Variants in WBP2NL observed in about 807,000 individuals in gnomAD.
WBP2NL encodes postacrosomal sheath WW domain-binding protein.
A neutral mutation model predicts 23.3 loss-of-function variants in WBP2NL; 27 were observed. The observed-to-expected ratio is 1.16, with a 90% CI of 0.85 to 1.60. The LOEUF (loss-of-function observed/expected upper bound fraction) is 1.60. WBP2NL is among the 40% of genes most tolerant of loss of function. WBP2NL has a pLI of 0.00. For missense variants in WBP2NL, 370 were observed against 389.5 expected, an observed-to-expected ratio of 0.95 and a Z score of 0.42; for synonymous variants, 151 against 145.9, an observed-to-expected ratio of 1.03 and a Z score of -0.25.
chr22:42,020,260 G>A (rs1330321643), intron 4 of WBP2NL, among the ~76,000 whole-genome samples, 164 bp downstream of exon 4: 6 of 151,878 alleles, frequency 4.0e-5, no homozygotes, highest in Admixed American at 6.6e-5. Context: ...GGCTGGTCTC[G>A]AACTCCTGAA....
downstream of WBP2NL, among the ~76,000 whole-genome samples, chr22:42,037,481 A>G (rs183383200): frequency 3.1e-4 from 47 of 152,128 alleles, no homozygotes; most frequent in Admixed American, 2.7e-3. Flanking sequence ...TATTTTTATA[A>G]AAAGTGCAAT....
At chr22:42,026,722 A>G (rs1924529458) in intron 5 of WBP2NL, 44 bp from the exon 6 acceptor site, 2 of 1,594,470 alleles carry the variant, frequency 1.3e-6, no homozygotes, top group Non-Finnish European at 8.5e-7. Flanking sequence ...ATATTCCTTG[A>G]CTTAAAGGTA....
At chr22:42,001,387 C>G in intron 1 of WBP2NL, 1 of 716,876 alleles carries the variant, frequency 1.4e-6, no homozygotes, top group South Asian at 1.6e-5. Context: ...GTCATAGTTA[C>G]CGAAGTAGGC....
intron 1 of WBP2NL, among the ~76,000 whole-genome samples, chr22:42,004,558 C>T (rs1431550325): frequency 6.6e-6 from 1 of 152,138 alleles, no homozygotes; most frequent in African/African-American, 2.4e-5. Flanking sequence ...TGTGCCACTG[C>T]ACTCCAGCCT....
In WBP2NL at chr22:42,019,683, T is replaced by C; in HGVS notation, c.193T>C (p.Ser65Pro). ...SYRVIFITSC[S>P]ISDPMLSFMM... ...GTAGGTGATTTTCATAACTTCATGC[T>C]CCATCAGTGATCCCATGTTGTCTTT... is the stretch of plus-strand genomic sequence containing the variant. Residue 65 changes from serine (S) to proline (P), a missense_variant, in exon 3 of 6, where the codon TCC becomes CCC. Physicochemically the swap from Ser to Pro is moderately conservative, Grantham distance 74. Coordinates refer to ENST00000328823, the MANE Select transcript of WBP2NL (RefSeq NM_152613.3). 6.2e-7 allele frequency: 1 copy of C among 1,614,148 alleles called. No individual in the cohort carries two copies. The highest frequency in any genetic ancestry group is 1.7e-5 in the Admixed American group (1 of 60,016).
chr22:42,046,057 GTGTC>G (rs768135492), intron 8 of WBP2NL, among the ~76,000 whole-genome samples: 3 of 152,206 alleles, frequency 2.0e-5, no homozygotes, highest in South Asian at 2.1e-4. Flanking sequence ...TGTAAAATAA[GTGTC>G]TGGCCATTTG....
chr22:42,025,636 G>T (rs538978906), intron 5 of WBP2NL, among the ~76,000 whole-genome samples: 6 of 152,266 alleles, frequency 3.9e-5, no homozygotes, highest in Admixed American at 1.3e-4. Context: ...ATAGATGCTT[G>T]GGTTTATTTC....
At chr22:42,009,107 G>C (rs940739153) in intron 1 of WBP2NL, among the ~76,000 whole-genome samples, 10 of 152,020 alleles carry the variant, frequency 6.6e-5, no homozygotes, top group Non-Finnish European at 1.3e-4. Context: ...GTAGAGACAG[G>C]GTTTCACCAT....
intron 1 of WBP2NL, among the ~76,000 whole-genome samples, chr22:42,014,256 C>T (rs2146775902): frequency 6.6e-6 from 1 of 151,766 alleles, no homozygotes; most frequent in Admixed American, 6.6e-5. Context: ...GACAGGGTCT[C>T]CCTCTGTCAC....
Position 42,027,113 on chromosome 22 carries a change from A to G in WBP2NL, c.862A>G (p.Thr288Ala), listed in dbSNP as rs1364608062. ...ATCAGGAGCCAGGCCTCAGGAATCT[A>G]CAGCAGCCCAGGCTCCTGAAAACGA... ...AGSGARPQES[T>A]AAQAPENEAS... The change falls in exon 6 of 6, where the codon ACA (threonine) becomes GCA (alanine). Residue 288 changes from threonine to alanine, a missense_variant. By Grantham distance (58) the Thr-to-Ala change is moderately conservative (BLOSUM62 0). Coordinates refer to ENST00000328823, the MANE Select transcript of WBP2NL (RefSeq NM_152613.3). The G allele has an allele frequency of 1.2e-6, 2 of 1,614,140 alleles. No homozygotes were observed. The highest frequency in any genetic ancestry group is 1.7e-6 in the Non-Finnish European group (2 of 1,180,050).
chr22:42,018,444 T>C (rs551882052), intron 1 of WBP2NL, among the ~76,000 whole-genome samples: 10 of 109,886 alleles, frequency 9.1e-5, no homozygotes, highest in Admixed American at 2.9e-4. Flanking sequence ...AAGAAAGAAG[T>C]GAGGGAAGGA....
chr22:42,003,599 G>A (rs1329881465), intron 1 of WBP2NL: 1 of 151,954 alleles, frequency 6.6e-6, no homozygotes, highest in Non-Finnish European at 1.5e-5. Context: ...AATAAAAGAT[G>A]TTATTAAAAA....
intron 1 of WBP2NL, chr22:42,002,702 G>A (rs1313972383): frequency 6.6e-6 from 1 of 152,200 alleles, no homozygotes; most frequent in Non-Finnish European, 1.5e-5. Flanking sequence ...GCGCATGTGG[G>A]AGAGCTTGGA....
chr22:42,022,423 C>T (rs1924066444), intron 5 of WBP2NL, 67 bp downstream of exon 5: 12 of 1,395,770 alleles, frequency 8.6e-6, no homozygotes, highest in South Asian at 1.3e-5. Flanking sequence ...AAGATCTATC[C>T]CTTGCAGGCT....
chr22:42,019,192 G>T, intron 1 of WBP2NL, 119 bp from the exon 2 acceptor site: 1 of 853,292 alleles, frequency 1.2e-6, no homozygotes, highest in Non-Finnish European at 1.8e-6. Context: ...CTGCACTCCC[G>T]CCTGGGCAAC....
At chr22:41,998,975 C>T in intron 1 of WBP2NL, 95 bp downstream of exon 1, 3 of 1,419,872 alleles carry the variant, frequency 2.1e-6, no homozygotes, top group Admixed American at 2.4e-5. Flanking sequence ...AGGGACTTTG[C>T]CGCCTTTTTT....
chr22:42,024,420 C>G (rs1951822643), intron 5 of WBP2NL, among the ~76,000 whole-genome samples: 1 of 152,138 alleles, frequency 6.6e-6, no homozygotes. Context: ...CAACTATTTT[C>G]CAGTGCTGCA....
intron 8 of WBP2NL, among the ~76,000 whole-genome samples, chr22:42,038,392 G>A (rs775125729): frequency 6.6e-6 from 1 of 152,074 alleles, no homozygotes; most frequent in Non-Finnish European, 1.5e-5. Context: ...TTTTATTAAC[G>A]ATTTTTGCAT....
chr22:42,006,591 A>G (rs889624852), intron 1 of WBP2NL, among the ~76,000 whole-genome samples: 1 of 152,224 alleles, frequency 6.6e-6, no homozygotes, highest in Non-Finnish European at 1.5e-5. Context: ...TCTGTTAAAA[A>G]TGTAAAAAAG....
Sources: gnomAD v4.1 joint callset for allele counts (sites outside exome capture counted in the v4.1 genomes callset) on GRCh38, gnomAD v4.1.1 for gene constraint, MANE v1.5 for transcripts, NCBI Gene and HGNC (gene_info 2026-07-23, HGNC 2026-07-21) for gene names.